CDC14A: variants seen among roughly 807,000 people sequenced by gnomAD.
CDC14A encodes the protein dual specificity protein phosphatase CDC14A.
In CDC14A, 53 loss-of-function variants were observed where a neutral mutation model predicts 74.4. The observed-to-expected ratio is 0.71, with a 90% CI of 0.57 to 0.89. CDC14A has a LOEUF of 0.89. Among genes scored for constraint, CDC14A ranks in the 40% least tolerant of loss-of-function variants. The pLI is 0.00. For missense variants in CDC14A, 646 were observed against 713.7 expected (o/e 0.91, Z 1.08); for synonymous variants, 247 against 258.4 (o/e 0.96, Z 0.43).
intron 2 of CDC14A, among the ~76,000 whole-genome samples, chr1:100,354,564 A>G (rs1414596002): frequency 2.6e-5 from 4 of 152,392 alleles, no homozygotes; most frequent in Middle Eastern, 3.4e-3. Flanking sequence ...CTACAGGAAA[A>G]AGATATCTTA....
Position 100,352,679 on chromosome 1 carries a change from A to G in CDC14A, c.-276A>G, listed in dbSNP as rs1651228723. ...TTCCCAGGCGCGGCGGCGGCGGAGC[A>G]GCAGCTGCAGCAGCCGAGTCCAAAT... On this transcript the variant is annotated 5_prime_UTR_variant, in exon 1 of 16. Transcript: ENST00000336454. 2 of 1,305,962 alleles carry G rather than the reference A, an allele frequency of 1.5e-6. No individual in the cohort carries two copies. Among genetic ancestry groups the G allele is most frequent in the Non-Finnish European group, 9.7e-7 (1 of 1,029,472 alleles). The allele number at this position is 1,305,962 out of a possible 1,614,324, so 80.9% of individuals were successfully genotyped here. A position where few individuals can be genotyped will look rare whatever the true frequency, so the allele number is the denominator to read the frequency against.
Position 100,489,582 on chromosome 1 carries a change from G to GTTTTTTTTTTTTTT in CDC14A, c.1137+5143_1137+5144insTTTTTTTTTTTTTT, listed in dbSNP as rs5776511. ...GTTCTTTCACTAGGTCATCACTCAT[G>GTTTTTTTTTTTTTT]TTTTTTTTTTTTAATTGTACTTCTT... is the stretch of plus-strand genomic sequence containing the variant. On this transcript the variant is annotated intron_variant, in intron 11 of 15. Coordinates refer to ENST00000336454, the MANE Select transcript of CDC14A (RefSeq NM_003672.4). Among the ~76,000 whole-genome samples the GTTTTTTTTTTTTTT allele has an allele frequency of 3.5e-3, 520 of 146,584 alleles. 1 individual carries two copies. The highest frequency in any genetic ancestry group is 0.013 in the African/African-American group (503 of 39,678).
At chr1:100,363,900 A>G (rs1446206811) in intron 2 of CDC14A, among the ~76,000 whole-genome samples, 1 of 152,198 alleles carries the variant, frequency 6.6e-6, no homozygotes, top group Non-Finnish European at 1.5e-5. Context: ...TCACGCTTCT[A>G]ATTCCACGCT....
chr1:100,496,296 C>G lies in CDC14A; in HGVS notation c.1298+247C>G, dbSNP rs184072224. Among the ~76,000 whole-genome samples the G allele has an allele frequency of 2.7e-3, 403 of 150,904 alleles. 6 individuals carry two copies. The highest frequency in any genetic ancestry group is 0.024 in the Admixed American group (368 of 15,212). On this transcript the variant is annotated intron_variant, in intron 13 of 15. Transcript: ENST00000336454. The stretch of plus-strand genomic sequence containing the variant: ...TAGAGACATCAATGTATTTTGTGCT[C>G]TTAGCACATTGTGGAGGGGGGTCTC...
intron 15 of CDC14A, among the ~76,000 whole-genome samples, chr1:100,509,999 C>A (rs1256194193): frequency 6.6e-6 from 1 of 152,194 alleles, no homozygotes; most frequent in East Asian, 1.9e-4. Context: ...GCTCCTGAAT[C>A]TTTATGGTTA....
chr1:100,485,440 G>A, intron 11 of CDC14A: 1 of 414,812 alleles, frequency 2.4e-6, no homozygotes. Flanking sequence ...ATGTGTGCCT[G>A]TGTGGTCCCA....
At chr1:100,395,672 A>G (rs1212924368) in intron 4 of CDC14A, among the ~76,000 whole-genome samples, 2 of 152,194 alleles carry the variant, frequency 1.3e-5, no homozygotes, top group Non-Finnish European at 2.9e-5. Context: ...AAAATTGTAA[A>G]TTAGATCACG....
chr1:100,491,338 CTA>C (rs3081868), intron 11 of CDC14A, among the ~76,000 whole-genome samples: 141,681 of 151,434 alleles, frequency 0.94, 66,819 homozygotes, highest in Non-Finnish European at 1. Flanking sequence ...TTCTGGAAGA[CTA>C]TGTGCCAGAA....
At chr1:100,477,400 A>T (rs1669008107) in intron 10 of CDC14A, among the ~76,000 whole-genome samples, 1 of 151,872 alleles carries the variant, frequency 6.6e-6, no homozygotes, top group Non-Finnish European at 1.5e-5. Context: ...AAGTATGATG[A>T]ATAAGAGCAT....
chr1:100,389,451 C>CAA (rs111538330), intron 3 of CDC14A, among the ~76,000 whole-genome samples: 205 of 112,430 alleles, frequency 1.8e-3, no homozygotes, highest in African/African-American at 6.7e-3. Context: ...GAATCTGTCT[C>CAA]AAAAAAAAAA....
At chr1:100,472,525 T>C (rs1668492104) in intron 10 of CDC14A, among the ~76,000 whole-genome samples, 1 of 152,196 alleles carries the variant, frequency 6.6e-6, no homozygotes, top group Non-Finnish European at 1.5e-5. Context: ...TTTCAGTCTA[T>C]AACTTGTCTT....
Position 100,442,944 on chromosome 1 carries a change from A to G in CDC14A, c.467A>G (p.His156Arg), listed in dbSNP as rs1665128307. 4 of 1,601,362 alleles carry G rather than the reference A, an allele frequency of 2.5e-6. No homozygotes were observed. Among genetic ancestry groups the G allele is most frequent in the Non-Finnish European group, 3.4e-6 (4 of 1,169,048 alleles). The part of the protein sequence containing the change: ...CLQGIRKGLQ[H>R]GFFDFETFDV... ...AAATTCTGCTTTTAGGGATTACAAC[A>G]TGGATTTTTTGACTTTGAGACATTT... is the stretch of plus-strand genomic sequence containing the variant. The change falls in exon 7 of 16, where the codon CAT (histidine) becomes CGT (arginine). Residue 156 changes from histidine to arginine, a missense_variant. Physicochemically the swap from His to Arg is conservative, Grantham distance 29 (BLOSUM62 0). Coordinates refer to ENST00000336454, the MANE Select transcript of CDC14A (RefSeq NM_003672.4).
chr1:100,502,306 T>G (rs1648817074), intron 15 of CDC14A, among the ~76,000 whole-genome samples: 1 of 152,224 alleles, frequency 6.6e-6, no homozygotes, highest in Admixed American at 6.5e-5. Context: ...AGGTGTACAA[T>G]TTTTAAGTCT....
At chr1:100,503,513 G>A (rs1319421635) in intron 15 of CDC14A, among the ~76,000 whole-genome samples, 1 of 152,118 alleles carries the variant, frequency 6.6e-6, no homozygotes, top group East Asian at 1.9e-4. Flanking sequence ...TCAGCCCCCA[G>A]AAAAATGTAA....
At chr1:100,410,417 G>T (rs938432881) in intron 4 of CDC14A, among the ~76,000 whole-genome samples, 5 of 152,098 alleles carry the variant, frequency 3.3e-5, no homozygotes, top group African/African-American at 4.8e-5. Context: ...TGCCTCCCAG[G>T]TTCAAGCGAT....
At chr1:100,442,582 A>G (rs980372403) in intron 6 of CDC14A, among the ~76,000 whole-genome samples, 3 of 151,686 alleles carry the variant, frequency 2.0e-5, no homozygotes, top group Non-Finnish European at 4.4e-5. Context: ...AATCACTATG[A>G]TCTATTCTGT....
At chr1:100,390,179 A>G (rs1408217433) in intron 3 of CDC14A, among the ~76,000 whole-genome samples, 2 of 152,218 alleles carry the variant, frequency 1.3e-5, no homozygotes, top group South Asian at 2.1e-4. Flanking sequence ...GTTTGCTGAT[A>G]TAATTTTTTA....
At chr1:100,428,042 G>A (rs1663164138) in intron 5 of CDC14A, among the ~76,000 whole-genome samples, 1 of 152,070 alleles carries the variant, frequency 6.6e-6, no homozygotes, top group South Asian at 2.1e-4. Flanking sequence ...GGTATGTTAG[G>A]TAGTATATAT....
At chr1:100,355,175 C>T (rs1641554081) in intron 2 of CDC14A, among the ~76,000 whole-genome samples, 1 of 152,156 alleles carries the variant, frequency 6.6e-6, no homozygotes, top group Non-Finnish European at 1.5e-5. Flanking sequence ...ATGTCACTGC[C>T]AGCAGTGTTT....
Sources: allele counts gnomAD v4.1 joint callset (sites outside exome capture counted in the v4.1 genomes callset), GRCh38; gene constraint gnomAD v4.1.1; transcripts MANE v1.5; gene names NCBI Gene and HGNC (gene_info 2026-07-23, HGNC 2026-07-21).